The following DNAH1 variants were observed in gnomAD, a reference collection of about 807,000 sequenced individuals.
The protein encoded by DNAH1 is axonemal beta dynein heavy chain 1.
DNAH1 carries 327 observed loss-of-function variants against 484.3 expected under a neutral mutation model. The ratio of observed to expected loss-of-function variants is 0.68; its 90% confidence interval spans 0.62 to 0.74. The LOEUF (loss-of-function observed/expected upper bound fraction) is 0.74. DNAH1 is among the 30% of genes least tolerant of loss of function. DNAH1 has a pLI of 0.00. For synonymous variants in DNAH1, 2,192 were observed against 2,191.9 expected, an observed-to-expected ratio of 1.00 and a Z score of 0.00; for missense variants, 5,052 against 5,546.8, an observed-to-expected ratio of 0.91 and a Z score of 2.83.
In DNAH1 at chr3:52,358,289, G is replaced by A. The variant is rs1045778093; in HGVS notation, c.4087-269G>A. Among the ~76,000 whole-genome samples the A allele has an allele frequency of 1.3e-5, 2 of 152,226 alleles. No individual in the cohort carries two copies. Among genetic ancestry groups the A allele is most frequent in the East Asian group, 1.9e-4 (1 of 5,196 alleles). Reference sequence around the variant, plus strand: ...GCCTGCCTTGTCTTCCCTCATCTATGCAGGAGGCCGGGGACATGCAAGGCA... The same window carrying A: ...GCCTGCCTTGTCTTCCCTCATCTATACAGGAGGCCGGGGACATGCAAGGCA... On this transcript the variant is annotated intron_variant, in intron 24 of 77. Coordinates refer to ENST00000420323, the MANE Select transcript of DNAH1 (RefSeq NM_015512.5). This position sits in a 1 kb window ranked among gnomAD's most constrained non-coding sequence, Gnocchi z 4.2.
At position 52,370,792 on chromosome 3, in the gene DNAH1, C is replaced by T. The variant is rs148269954; in HGVS notation, c.6492C>T (p.Asn2164=). The T allele has an allele frequency of 1.8e-4, 293 of 1,606,222 alleles. 2 individuals carry two copies. The East Asian group carries it at 5.8e-3, about 32-fold the overall frequency. The stretch of plus-strand genomic sequence containing the variant: ...AGGACGCGGGCATCAGTGGCACCAA[C>T]GACAGTGAGGATGAAGAGGAGGAAT... ...RLEDAGISGT[N]DSEDEEEEYK... The change falls in exon 41 of 78, where the codon AAC becomes AAT. Residue 2164 remains asparagine (N), a synonymous_variant. Coordinates refer to ENST00000420323, the MANE Select transcript of DNAH1 (RefSeq NM_015512.5).
rs746101158 is a variant in DNAH1, at chr3:52,332,154, T to G, written c.1046T>G (p.Leu349Arg). ...ACCCGGCCCCCAGGAAGGCCACCCC[T>G]TCAGGTCTGTCAGTACTGGGTGCCA... The part of the protein sequence containing the change: ...AGVTTEGRPP[L>R]QVCQYWVPRI... Residue 349 changes from leucine to arginine, a missense_variant, in exon 8 of 78, where the codon CTT becomes CGT. By Grantham distance (102) the Leu-to-Arg change is moderately radical. Around this residue, in one of 4 missense-constraint regions of DNAH1, gnomAD observed 1,263 missense variants for 1,218.8 expected, o/e 1.04. Transcript: ENST00000420323. 6.4e-7 allele frequency: 1 copy of G among 1,562,730 alleles called. No homozygotes were observed. Among genetic ancestry groups the G allele is most frequent in the Admixed American group, 1.9e-5 (1 of 51,866 alleles).
intron 8 of DNAH1, among the ~76,000 whole-genome samples, chr3:52,341,595 G>A (rs952638583): frequency 2.0e-5 from 3 of 148,628 alleles, no homozygotes; most frequent in African/African-American, 7.5e-5. Flanking sequence ...AGAGTGCAGT[G>A]GAGCAATCTT....
In DNAH1 at chr3:52,388,826, T is replaced by C. The variant is rs367928602; in HGVS notation, c.9384T>C (p.Asp3128=). 1 of 1,613,562 alleles carries C rather than the reference T, an allele frequency of 6.2e-7. No homozygotes were observed. Among genetic ancestry groups the C allele is most frequent in the Non-Finnish European group, 8.5e-7 (1 of 1,179,862 alleles). The stretch of plus-strand genomic sequence containing the variant: ...TCCAGCTCATCAACGGGCTGTCGGA[T>C]GAGAAGGTGCGCTGGCAGGAGACGG... The part of the protein sequence containing the change: ...RAGKLINGLS[D]EKVRWQETVE... Residue 3128 remains aspartate, a synonymous_variant, in exon 59 of 78, where the codon GAT becomes GAC. Coordinates refer to ENST00000420323, the MANE Select transcript of DNAH1 (RefSeq NM_015512.5).
At chr3:52,365,156 C>A in intron 34 of DNAH1, 137 bp downstream of exon 34, 1 of 1,248,700 alleles carries the variant, frequency 8.0e-7, no homozygotes, top group Non-Finnish European at 1.1e-6. Flanking sequence ...CCCGGGCTCT[C>A]AGCCGAGCAA....
intron 10 of DNAH1, among the ~76,000 whole-genome samples, chr3:52,346,244 C>G (rs1400667812): frequency 1.3e-5 from 2 of 152,234 alleles, no homozygotes; most frequent in South Asian, 2.1e-4. Flanking sequence ...GTCCTGTCCT[C>G]CCTCCCTCCT....
At chr3:52,332,008 G>A (rs1018686027) in intron 7 of DNAH1, 134 bp from the exon 8 acceptor site, 2 of 1,162,828 alleles carry the variant, frequency 1.7e-6, no homozygotes, top group East Asian at 2.6e-5. Context: ...TTTCACAGAT[G>A]CAACAGGGGG....
At chr3:52,350,365 C>G (rs1317532095) in intron 15 of DNAH1, 143 bp from the exon 16 acceptor site, 1 of 931,166 alleles carries the variant, frequency 1.1e-6, no homozygotes, top group Non-Finnish European at 1.7e-6. Flanking sequence ...GCCCTTGCAC[C>G]CTGGGCCTCC....
chr3:52,353,450 G>C lies in DNAH1; in HGVS notation c.3297G>C (p.Gln1099His). ...EEFKPYIPLI[Q>H]GLRNPGMRIR... ...TCAAACCATACATCCCACTGATCCA[G>C]GGGCTGCGCAACCCTGGCATGCGGA... The change falls in exon 20 of 78, where the codon CAG (glutamine) becomes CAC (histidine). Residue 1099 changes from glutamine (Q) to histidine (H), a missense_variant. This residue lies in a region of DNAH1 where 2,929 missense variants were observed against 3,409.4 expected (regional missense o/e 0.86). Transcript: ENST00000420323. The surrounding 1 kb of genome is among the most constrained non-coding windows in gnomAD (Gnocchi z 5.0). The C allele has an allele frequency of 6.2e-7, 1 of 1,613,952 alleles. No homozygotes were observed. Among genetic ancestry groups the C allele is most frequent in the Non-Finnish European group, 8.5e-7 (1 of 1,179,910 alleles).
Position 52,360,031 on chromosome 3 carries a change from A to C in DNAH1, c.4523A>C (p.Gln1508Pro). The change falls in exon 27 of 78, where the codon CAG becomes CCG. Residue 1508 changes from glutamine to proline, a missense_variant. By Grantham distance (76) the Gln-to-Pro change is moderately conservative. This residue lies in a region of DNAH1 where 2,929 missense variants were observed against 3,409.4 expected (regional missense o/e 0.86). Coordinates refer to ENST00000420323, the MANE Select transcript of DNAH1 (RefSeq NM_015512.5). ...HAKDVVSKLIQENVVSVNDFQ... is the reference protein window; with the variant it reads ...HAKDVVSKLIPENVVSVNDFQ... ...AAGGACGTGGTGAGCAAGCTAATCC[A>C]GGAGAACGTGGTCAGCGTGAATGAC... 6.2e-7 allele frequency: 1 copy of C among 1,613,942 alleles called. No homozygotes were observed. Among genetic ancestry groups the C allele is most frequent in the Non-Finnish European group, 8.5e-7 (1 of 1,179,888 alleles).
intron 60 of DNAH1, 88 bp from the exon 61 acceptor site, chr3:52,390,847 C>G: frequency 2.6e-6 from 4 of 1,531,704 alleles, no homozygotes; most frequent in Non-Finnish European, 3.5e-6. Context: ...AGTCCATAGC[C>G]GAAACACGAG....
chr3:52,352,307 G>A (rs567005152), intron 17 of DNAH1, among the ~76,000 whole-genome samples: 18 of 152,272 alleles, frequency 1.2e-4, no homozygotes, highest in Non-Finnish European at 1.9e-4. Context: ...AGAAAGATTC[G>A]GAGTAGTAAA....
intron 14 of DNAH1, 148 bp downstream of exon 14, chr3:52,349,568 C>A: frequency 1.3e-6 from 1 of 783,494 alleles, no homozygotes; most frequent in Non-Finnish European, 2.1e-6. Context: ...TGGAAATCAC[C>A]CTGCCCCATC....
rs1578179171 is a variant in DNAH1 at position 52,381,181 on chromosome 3, G to C, written c.7609-459G>C. ...AGTGGCATGAACTTGGCTTACTGCA[G>C]CCTCTACCTCATGGGCTCTATCAGT... On this transcript the variant is annotated intron_variant, in intron 48 of 77. Coordinates refer to ENST00000420323, the MANE Select transcript of DNAH1 (RefSeq NM_015512.5). The surrounding 1 kb of genome is among the most constrained non-coding windows in gnomAD (Gnocchi z 4.1). 6.6e-6 allele frequency among the ~76,000 whole-genome samples: 1 copy of C among 152,178 alleles called. No homozygotes were observed. The highest frequency in any genetic ancestry group is 1.5e-5 in the Non-Finnish European group (1 of 68,028).
At chr3:52,334,121 G>T (rs1173301546) in intron 8 of DNAH1, among the ~76,000 whole-genome samples, 2 of 152,222 alleles carry the variant, frequency 1.3e-5, no homozygotes, top group Admixed American at 6.5e-5. Context: ...AGACCTTGAT[G>T]ATATAGCTGG....
chr3:52,351,876 G>A (rs1702396984), intron 16 of DNAH1, 86 bp from the exon 17 acceptor site: 5 of 1,486,818 alleles, frequency 3.4e-6, no homozygotes, highest in East Asian at 2.5e-5. Flanking sequence ...CTGCCTGGGT[G>A]CCTGGTGGGA....
At chr3:52,331,121 C>G in intron 6 of DNAH1, 27 bp from the exon 7 acceptor site, 3 of 1,565,792 alleles carry the variant, frequency 1.9e-6, no homozygotes, top group Non-Finnish European at 2.6e-6. Context: ...GCGGGGGGCA[C>G]TGGTGGAGTT....
chr3:52,346,508 C>A lies in DNAH1; in HGVS notation c.1693C>A (p.Leu565Ile). 1.9e-6 allele frequency: 3 copies of A among 1,613,266 alleles called. No individual in the cohort carries two copies. Among genetic ancestry groups the A allele is most frequent in the Non-Finnish European group, 2.5e-6 (3 of 1,179,584 alleles). ...MFLKDSWISSLKVAMRSSLRD... is the reference protein window; with the variant it reads ...MFLKDSWISSIKVAMRSSLRD... ...CCTCAAGGACAGCTGGATCAGCTCGCTAAAGGTGGCCATGCGCAGCAGCCT... is the reference window on the plus strand; with the variant it reads ...CCTCAAGGACAGCTGGATCAGCTCGATAAAGGTGGCCATGCGCAGCAGCCT... Residue 565 changes from leucine (L) to isoleucine (I), a missense_variant, in exon 11 of 78, where the codon CTA (leucine) becomes ATA (isoleucine). Leu to Ile is a conservative substitution (Grantham distance 5, BLOSUM62 2). This residue lies in a region of DNAH1 where 1,263 missense variants were observed against 1,218.8 expected (regional missense o/e 1.04). Transcript: ENST00000420323.
Position 52,388,214 on chromosome 3 carries a change from TA to T in DNAH1, c.9053del (p.Asn3018MetfsTer52), listed in dbSNP as rs1559562615. 6.2e-7 allele frequency: 1 copy of T among 1,609,542 alleles called. No homozygotes were observed. The highest frequency in any genetic ancestry group is 8.5e-7 in the Non-Finnish European group (1 of 1,178,082). Reference sequence around the variant, plus strand: ...TCAAAGCCATCCAGCCGTACATCGATAATGAAGAGTTCCAGCCAGCCACCAT... The same window carrying T: ...TCAAAGCCATCCAGCCGTACATCGATATGAAGAGTTCCAGCCAGCCACCAT... ...VIKAIQPYID[N>X]EEFQPATIAK... On this transcript the variant is annotated frameshift_variant, in exon 57 of 78. Transcript: ENST00000420323. LOFTEE classifies it high-confidence loss of function.
Sources: gnomAD v4.1 joint callset for allele counts (sites outside exome capture counted in the v4.1 genomes callset) on GRCh38, gnomAD v4.1.1 for gene constraint, gnomAD v4.1.1 regional missense constraint, Gnocchi (gnomAD v3.1) non-coding constraint, MANE v1.5 for transcripts, NCBI Gene and HGNC (gene_info 2026-07-23, HGNC 2026-07-21) for gene names.